The following LEMD1 variants were observed in gnomAD, a reference collection of about 807,000 sequenced individuals.
LEMD1 encodes the protein LEM domain containing 1.
LEMD1 carries 18 observed loss-of-function variants against 17.4 expected under a neutral mutation model. That is an observed-to-expected ratio of 1.04 (90% CI 0.72 to 1.54). LEMD1 has a LOEUF of 1.54. Ranked by LOEUF, LEMD1 falls within the 40% of genes most tolerant of loss-of-function variation. LEMD1 has a pLI of 0.00. For synonymous variants in LEMD1, 88 were observed against 77.8 expected, an observed-to-expected ratio of 1.13 and a Z score of -0.69; for missense variants, 195 against 210.4, an observed-to-expected ratio of 0.93 and a Z score of 0.45.
chr1:205,413,318 C>T (rs1330554862), intron 4 of LEMD1, among the ~76,000 whole-genome samples: 1 of 151,998 alleles, frequency 6.6e-6, no homozygotes, highest in Non-Finnish European at 1.5e-5. Context: ...GACAGGGTCT[C>T]GCTCTGTCAC....
At chr1:205,430,721 G>T (rs1294176386) in intron 1 of LEMD1, among the ~76,000 whole-genome samples, 1 of 152,186 alleles carries the variant, frequency 6.6e-6, no homozygotes, top group Non-Finnish European at 1.5e-5. Context: ...CCACTCAGCC[G>T]GGGGACCCCC....
chr1:205,410,978 AAAGG>A (rs1665366684), intron 4 of LEMD1, among the ~76,000 whole-genome samples: 4 of 150,416 alleles, frequency 2.7e-5, no homozygotes, highest in Admixed American at 2.0e-4. Flanking sequence ...AGAAGGAAAG[AAAGG>A]AAGGAAGGAA....
chr1:205,419,927 TAATA>T (rs762915609), intron 2 of LEMD1, among the ~76,000 whole-genome samples: 57 of 152,286 alleles, frequency 3.7e-4, no homozygotes, highest in Admixed American at 8.5e-4. Flanking sequence ...GGAATACAGA[TAATA>T]AATAAATAGT....
Position 205,416,219 on chromosome 1 carries a change from G to C in LEMD1, c.270+13C>G, listed in dbSNP as rs766662282. On this transcript the variant is annotated intron_variant, in intron 4 of 5. Transcript: ENST00000367153. Reference sequence around the variant, plus strand: ...TATGGGTATAAGTATTCAGGCATTAGAATGGTACATACTTTTTTGAGTTTC... The same window carrying C: ...TATGGGTATAAGTATTCAGGCATTACAATGGTACATACTTTTTTGAGTTTC... The C allele has an allele frequency of 7.3e-6, 11 of 1,505,484 alleles. No homozygotes were observed. The South Asian group carries it at 1.3e-4, about 18-fold the overall frequency. The allele number at this position is 1,505,484 out of a possible 1,614,324, so 93.3% of individuals were successfully genotyped here.
chr1:205,382,005 C>A (rs1250087501), intron 5 of LEMD1, 149 bp from the exon 6 acceptor site: 4 of 667,098 alleles, frequency 6.0e-6, no homozygotes, highest in Admixed American at 2.8e-5. Flanking sequence ...AGGCTAATTT[C>A]TTTTTTTTTC....
At chr1:205,433,367 G>T (rs1381689196) in intron 1 of LEMD1, among the ~76,000 whole-genome samples, 1 of 151,676 alleles carries the variant, frequency 6.6e-6, no homozygotes, top group Non-Finnish European at 1.5e-5. Flanking sequence ...TGAGGCAGGA[G>T]AATCGCTTGA....
chr1:205,404,691 G>A (rs1490588068), intron 4 of LEMD1, among the ~76,000 whole-genome samples: 1 of 151,950 alleles, frequency 6.6e-6, no homozygotes, highest in African/African-American at 2.4e-5. Flanking sequence ...GGAGCATTTA[G>A]TCCATTTACA....
chr1:205,400,442 G>A (rs1664787712), intron 4 of LEMD1, among the ~76,000 whole-genome samples: 1 of 152,138 alleles, frequency 6.6e-6, no homozygotes, highest in South Asian at 2.1e-4. Context: ...TTTGTCCCAC[G>A]GCGATGTAAT....
intron 4 of LEMD1, among the ~76,000 whole-genome samples, chr1:205,396,518 T>G (rs1228900510): frequency 1.3e-5 from 2 of 152,220 alleles, no homozygotes; most frequent in African/African-American, 2.4e-5. Flanking sequence ...ACAGCATTGT[T>G]TGTGTTAGAA....
rs1382285775 is a variant in LEMD1 at position 205,394,362 on chromosome 1, GTTTA to G, written c.271-10002_271-9999del. Reference sequence around the variant, plus strand: ...CACTGGATTGTGAACTGTATTATTTGTTTATTTAATTAATTAATTAATTAATTAA... The same window carrying G: ...CACTGGATTGTGAACTGTATTATTTGTTTAATTAATTAATTAATTAATTAA... On this transcript the variant is annotated intron_variant, in intron 4 of 5. Coordinates refer to ENST00000367153, the MANE Select transcript of LEMD1 (RefSeq NM_001199050.2). Among the ~76,000 whole-genome samples the G allele has an allele frequency of 6.7e-4, 85 of 126,902 alleles. 1 individual carries two copies. The highest frequency in any genetic ancestry group is 7.9e-3 in the Middle Eastern group (2 of 252). The allele number at this position is 126,902 out of a possible 152,430, so 83.3% of individuals were successfully genotyped here.
At chr1:205,403,997 T>A (rs1664973643) in intron 4 of LEMD1, among the ~76,000 whole-genome samples, 1 of 152,224 alleles carries the variant, frequency 6.6e-6, no homozygotes, top group Non-Finnish European at 1.5e-5. Flanking sequence ...TCAGTTTCCA[T>A]GTAGTTGAGT....
intron 4 of LEMD1, among the ~76,000 whole-genome samples, chr1:205,390,357 A>T (rs1478530671): frequency 6.8e-6 from 1 of 147,742 alleles, no homozygotes; most frequent in Non-Finnish European, 1.5e-5. Context: ...TCTCTCTCTA[A>T]AAAAAAAAAA....
intron 4 of LEMD1, among the ~76,000 whole-genome samples, chr1:205,408,328 T>TACACAC (rs34904075): frequency 0.017 from 2,505 of 148,858 alleles, 59 homozygotes; most frequent in African/African-American, 0.049. Flanking sequence ...AATGGTAGGG[T>TACACAC]ACACACACAC....
intron 4 of LEMD1, among the ~76,000 whole-genome samples, chr1:205,406,787 G>C (rs1400013820): frequency 4.6e-5 from 7 of 152,184 alleles, no homozygotes; most frequent in Admixed American, 4.6e-4. Flanking sequence ...CGAAATCACA[G>C]CGTCTTCTGT....
intron 4 of LEMD1, among the ~76,000 whole-genome samples, chr1:205,402,509 T>C (rs1311635142): frequency 6.6e-6 from 1 of 152,138 alleles, no homozygotes; most frequent in Non-Finnish European, 1.5e-5. Context: ...CTGTCTGTTA[T>C]TGGTGTATAA....
chr1:205,390,441 C>T (rs1318718397), intron 4 of LEMD1, among the ~76,000 whole-genome samples: 1 of 151,404 alleles, frequency 6.6e-6, no homozygotes, highest in Non-Finnish European at 1.5e-5. Flanking sequence ...AAACCTACAC[C>T]ATAAGTCATA....
chr1:205,443,083 A>G (rs146466291), intron 1 of LEMD1, among the ~76,000 whole-genome samples: 32 of 152,276 alleles, frequency 2.1e-4, no homozygotes, highest in African/African-American at 7.5e-4. Context: ...GTAATCAGTT[A>G]TTGTCACACG....
intron 4 of LEMD1, among the ~76,000 whole-genome samples, chr1:205,398,343 G>A (rs1664685042): frequency 6.6e-6 from 1 of 152,196 alleles, no homozygotes; most frequent in Non-Finnish European, 1.5e-5. Flanking sequence ...CTACTTAATG[G>A]TAGTCCTTTA....
Position 205,420,464 on chromosome 1 carries a change from G to T in LEMD1, c.73C>A (p.Pro25Thr). The T allele has an allele frequency of 6.2e-7, 1 of 1,612,540 alleles. No homozygotes were observed. The highest frequency in any genetic ancestry group is 8.5e-7 in the Non-Finnish European group (1 of 1,178,756). ...TGCATACTGTACATACGTAGTATTG[G>T]GCCAGGTGAAAATCCAAGCTTCTCA... ...QLEKLGFSPG[P>T]ILPSTRKLYE... The change falls in exon 2 of 6, where the codon CCA becomes ACA. Residue 25 changes from proline to threonine, a missense_variant. Transcript: ENST00000367153.
Sources: gnomAD v4.1 joint callset for allele counts (sites outside exome capture counted in the v4.1 genomes callset) on GRCh38, gnomAD v4.1.1 for gene constraint, MANE v1.5 for transcripts, NCBI Gene and HGNC (gene_info 2026-07-23, HGNC 2026-07-21) for gene names.